COL25A1: variants seen among roughly 807,000 people sequenced by gnomAD.
COL25A1 encodes the protein collagen alpha-1(XXV) chain.
COL25A1 carries 103 observed loss-of-function variants against 128.4 expected under a neutral mutation model. The ratio of observed to expected loss-of-function variants is 0.80; its 90% CI spans 0.68 to 0.94. The LOEUF (loss-of-function observed/expected upper bound fraction) is 0.94, where lower values mean the gene tolerates loss of function less well. Among genes scored for constraint, COL25A1 ranks in the 40% least tolerant of loss-of-function variants. The pLI, the probability that COL25A1 is intolerant of heterozygous loss-of-function variation, is 0.00. For synonymous variants in COL25A1, 279 were observed against 277.2 expected, an observed-to-expected ratio of 1.01 and a Z score of -0.06; for missense variants, 745 against 840.0, an observed-to-expected ratio of 0.89 and a Z score of 1.40.
At chr4:108,856,368 T>C (rs1266585924) in intron 24 of COL25A1, among the ~76,000 whole-genome samples, 2 of 152,206 alleles carry the variant, frequency 1.3e-5, no homozygotes, top group African/African-American at 4.8e-5. Context: ...ATTTCTAATA[T>C]GGTATGATTA....
chr4:108,838,246 C>T (rs185953679), intron 31 of COL25A1: 1 of 1,103,678 alleles, frequency 9.1e-7, no homozygotes, highest in Admixed American at 2.0e-5. Context: ...AGAAGAGAGC[C>T]AGTCTCTGAA....
chr4:109,134,245 G>A (rs1043894011), intron 3 of COL25A1, among the ~76,000 whole-genome samples: 8 of 151,572 alleles, frequency 5.3e-5, no homozygotes, highest in African/African-American at 1.9e-4. Context: ...GTCGTAAGTA[G>A]GAGATGATAG....
At chr4:108,977,503 A>G (rs575435921) in intron 6 of COL25A1, among the ~76,000 whole-genome samples, 8 of 152,328 alleles carry the variant, frequency 5.3e-5, no homozygotes, top group African/African-American at 1.9e-4. Flanking sequence ...AGGTTATACA[A>G]GTAGGATTTT....
intron 3 of COL25A1, among the ~76,000 whole-genome samples, chr4:109,056,491 T>C (rs2125954469): frequency 6.6e-6 from 1 of 152,302 alleles, no homozygotes; most frequent in African/African-American, 2.4e-5. Context: ...GAATAGTCCT[T>C]TCACAAATAT....
At chr4:108,970,487 GAA>G (rs1751793733) in intron 8 of COL25A1, among the ~76,000 whole-genome samples, 1 of 152,046 alleles carries the variant, frequency 6.6e-6, no homozygotes, top group Non-Finnish European at 1.5e-5. Context: ...ATGTTGTTTT[GAA>G]ATATGTATAC....
At chr4:108,975,226 G>T (rs924495561) in intron 6 of COL25A1, among the ~76,000 whole-genome samples, 1 of 152,198 alleles carries the variant, frequency 6.6e-6, no homozygotes, top group African/African-American at 2.4e-5. Context: ...AGGCCAAAGC[G>T]GGTGGATCAC....
intron 3 of COL25A1, among the ~76,000 whole-genome samples, chr4:109,139,650 C>T (rs1282952323): frequency 6.6e-6 from 1 of 152,008 alleles, no homozygotes; most frequent in Non-Finnish European, 1.5e-5. Flanking sequence ...GGCGTTATTT[C>T]CTTCCCCCAC....
At chr4:108,827,281 G>A in intron 32 of COL25A1, 93 bp from the exon 33 acceptor site, 1 of 1,082,518 alleles carries the variant, frequency 9.2e-7, no homozygotes, top group South Asian at 1.3e-5. Flanking sequence ...CTATTTCAAG[G>A]ACCATTCTAT....
At chr4:109,017,916 T>C (rs1757365246) in intron 5 of COL25A1, among the ~76,000 whole-genome samples, 1 of 152,226 alleles carries the variant, frequency 6.6e-6, no homozygotes, top group Non-Finnish European at 1.5e-5. Context: ...AGTATACTCA[T>C]ATTCAGATGT....
At chr4:109,021,069 C>A (rs2125900323) in intron 5 of COL25A1, among the ~76,000 whole-genome samples, 1 of 152,310 alleles carries the variant, frequency 6.6e-6, no homozygotes, top group African/African-American at 2.4e-5. Context: ...TCCCAGTCAG[C>A]CACTCAGTCA....
At chr4:109,136,688 G>C (rs1180510249) in intron 3 of COL25A1, among the ~76,000 whole-genome samples, 1 of 152,250 alleles carries the variant, frequency 6.6e-6, no homozygotes, top group Non-Finnish European at 1.5e-5. Flanking sequence ...TGGGTAGTTA[G>C]GGTGTAGATA....
intron 8 of COL25A1, among the ~76,000 whole-genome samples, chr4:108,950,971 T>C (rs762544889): frequency 2.0e-5 from 3 of 152,152 alleles, no homozygotes; most frequent in African/African-American, 4.8e-5. Flanking sequence ...AAGGTAGAAA[T>C]TGAGACACGT....
At chr4:109,177,181 T>G (rs1192708621) in intron 3 of COL25A1, among the ~76,000 whole-genome samples, 1 of 152,190 alleles carries the variant, frequency 6.6e-6, no homozygotes, top group African/African-American at 2.4e-5. Flanking sequence ...TGGAACATGG[T>G]AGAGTCTGTA....
chr4:108,982,011 T>C (rs1284681600), intron 6 of COL25A1, among the ~76,000 whole-genome samples: 1 of 152,018 alleles, frequency 6.6e-6, no homozygotes, highest in Non-Finnish European at 1.5e-5. Context: ...CTGACCAACA[T>C]GGTGAAACCT....
intron 8 of COL25A1, among the ~76,000 whole-genome samples, chr4:108,947,437 C>T (rs971006028): frequency 1.4e-4 from 20 of 145,750 alleles, no homozygotes; most frequent in South Asian, 2.2e-4. Context: ...AATGAAACTC[C>T]GTCTCAAAAA....
At chr4:109,098,443 G>T (rs72617750) in intron 3 of COL25A1, among the ~76,000 whole-genome samples, 34,891 of 151,870 alleles carry the variant, frequency 0.23, 5,114 homozygotes, top group African/African-American at 0.4. Context: ...CCATGTAGAT[G>T]TAAGACTTTG....
intron 3 of COL25A1, among the ~76,000 whole-genome samples, chr4:109,280,287 T>G (rs1723249795): frequency 6.6e-6 from 1 of 152,204 alleles, no homozygotes; most frequent in South Asian, 2.1e-4. Flanking sequence ...ATCCATTCAA[T>G]GGAATTCTAT....
intron 3 of COL25A1, among the ~76,000 whole-genome samples, chr4:109,093,140 T>A (rs1009030524): frequency 1.1e-4 from 17 of 152,262 alleles, no homozygotes; most frequent in African/African-American, 3.6e-4. Flanking sequence ...CAAGCACATG[T>A]GCAGTTCAAA....
chr4:108,980,117 G>A (rs1469391577), intron 6 of COL25A1, among the ~76,000 whole-genome samples: 1 of 152,230 alleles, frequency 6.6e-6, no homozygotes, highest in Non-Finnish European at 1.5e-5. Flanking sequence ...CCACACTCAG[G>A]CGTTTGAGCT....
Sources: allele counts gnomAD v4.1 joint callset (sites outside exome capture counted in the v4.1 genomes callset), GRCh38; gene constraint gnomAD v4.1.1; transcripts MANE v1.5; gene names NCBI Gene and HGNC (gene_info 2026-07-23, HGNC 2026-07-21).